TPR: variants seen among roughly 807,000 people sequenced by gnomAD.
The protein encoded by TPR is translocated promoter region, nuclear basket protein.
In TPR, 51 loss-of-function variants were observed where a neutral mutation model predicts 316.1. That is an observed-to-expected ratio of 0.16 (90% CI 0.13 to 0.20). The LOEUF is 0.20. Among genes scored for constraint, TPR ranks in the 10% least tolerant of loss-of-function variants. The pLI is 1.00. For missense variants in TPR, 2,272 were observed against 2,754.8 expected, an observed-to-expected ratio of 0.82 and a Z score of 3.92; for synonymous variants, 981 against 914.7, an observed-to-expected ratio of 1.07 and a Z score of -1.31.
At position 186,362,360 on chromosome 1, in the gene TPR, T is replaced by C. The variant is rs759229553; in HGVS notation, c.717A>G (p.Gln239=). The C allele has an allele frequency of 1.2e-6, 2 of 1,612,104 alleles. No individual in the cohort carries two copies. Among genetic ancestry groups the C allele is most frequent in the East Asian group, 4.5e-5 (2 of 44,750 alleles). ...CATTTGATGTTTTTAAGCCATTCAT[T>C]TGTTCTTCCAGTCTAGAAACCTAAA... is the stretch of plus-strand genomic sequence containing the variant. The part of the protein sequence containing the change: ...KKEEVSRLEE[Q]MNGLKTSNEH... Residue 239 remains glutamine (Q), a synonymous_variant, in exon 7 of 51, where the codon CAA becomes CAG. Transcript: ENST00000367478.
chr1:186,352,189 TTCA>T (rs1426416699), intron 18 of TPR, 79 bp from the exon 19 acceptor site: 3 of 1,349,086 alleles, frequency 2.2e-6, no homozygotes, highest in Non-Finnish European at 2.9e-6. Flanking sequence ...ATTAAAATGA[TTCA>T]TACATCACTA....
chr1:186,357,681 T>TG, intron 13 of TPR, 58 bp from the exon 14 acceptor site: 1 of 1,464,970 alleles, frequency 6.8e-7, no homozygotes, highest in Non-Finnish European at 9.2e-7. Context: ...CTGGACAAGT[T>TG]TAGAATGAAA....
intron 9 of TPR, 46 bp from the exon 10 acceptor site, chr1:186,360,951 AT>A: frequency 6.3e-7 from 1 of 1,579,784 alleles, no homozygotes; most frequent in South Asian, 1.1e-5. Context: ...TACAGTTAAA[AT>A]TTTAGTTTAC....
Position 186,371,029 on chromosome 1 carries a change from C to T in TPR, c.271G>A (p.Ala91Thr), listed in dbSNP as rs756856205. The T allele has an allele frequency of 3.1e-6, 5 of 1,612,760 alleles. No individual in the cohort carries two copies. In the South Asian group the frequency reaches 4.4e-5, roughly 14 times the overall value. Reference protein sequence around the residue: ...ELEKLNNQLKALTEKNKELEI... With the variant: ...ELEKLNNQLKTLTEKNKELEI... ...AGTTCTTTGTTTTTCTCAGTTAGTG[C>T]CTTCAGTTGATTGTCTGGATAAAAG... The change falls in exon 3 of 51, where the codon GCA (alanine) becomes ACA (threonine). Residue 91 changes from alanine to threonine, a missense_variant. By Grantham distance (58) the Ala-to-Thr change is moderately conservative (BLOSUM62 0). Around this residue, in one of 10 missense-constraint regions of TPR, gnomAD observed 549 missense variants for 598.6 expected, o/e 0.92. Transcript: ENST00000367478.
Position 186,353,674 on chromosome 1 carries a change from G to C in TPR, c.2334+14C>G. 1 of 1,609,080 alleles carries C rather than the reference G, an allele frequency of 6.2e-7. No homozygotes were observed. Among genetic ancestry groups the C allele is most frequent in the Non-Finnish European group, 8.5e-7 (1 of 1,178,332 alleles). On this transcript the variant is annotated intron_variant, in intron 18 of 50. Coordinates refer to ENST00000367478, the MANE Select transcript of TPR (RefSeq NM_003292.3). ...AACTTATAATGCAAGTTGGACAAGG[G>C]ATATTGGACTCACTTCTGCGACAGC... is the stretch of plus-strand genomic sequence containing the variant.
At chr1:186,339,148 G>A (rs866108852) in intron 30 of TPR, among the ~76,000 whole-genome samples, 128 of 152,118 alleles carry the variant, frequency 8.4e-4, no homozygotes, top group African/African-American at 3.0e-3. Flanking sequence ...AGCTTCCCTT[G>A]GCCAGGCATG....
At chr1:186,331,705 TAAA>T in intron 38 of TPR, 124 bp from the exon 39 acceptor site, 1 of 502,936 alleles carries the variant, frequency 2.0e-6, no homozygotes, top group South Asian at 6.4e-5. Flanking sequence ...TATAGAAAAA[TAAA>T]AAAATTTTAT....
In TPR at chr1:186,312,202, A is replaced by C; in HGVS notation, c.*1769T>G. On this transcript the variant is annotated 3_prime_UTR_variant, in exon 51 of 51. Coordinates refer to ENST00000367478, the MANE Select transcript of TPR (RefSeq NM_003292.3). ...GGCAGCATTCAGCAGTATATTTATAAACAGGAACCTGTACAGAAGTGCCCT... is the reference window on the plus strand; with the variant it reads ...GGCAGCATTCAGCAGTATATTTATACACAGGAACCTGTACAGAAGTGCCCT... 6.2e-7 allele frequency: 1 copy of C among 1,613,994 alleles called. No individual in the cohort carries two copies. The highest frequency in any genetic ancestry group is 8.5e-7 in the Non-Finnish European group (1 of 1,179,916).
intron 21 of TPR, among the ~76,000 whole-genome samples, chr1:186,349,182 C>T (rs750209814): frequency 6.6e-6 from 1 of 152,206 alleles, no homozygotes; most frequent in Non-Finnish European, 1.5e-5. Flanking sequence ...TGGGAAAAAT[C>T]ATCTAACACA....
intron 15 of TPR, 143 bp downstream of exon 15, chr1:186,356,143 G>A (rs1258638213): frequency 1.4e-6 from 1 of 697,174 alleles, no homozygotes. Flanking sequence ...ATGTTTTACA[G>A]TTGATGGGAT....
intron 39 of TPR, 95 bp downstream of exon 39, chr1:186,331,403 T>TAA (rs879058159): frequency 8.7e-5 from 58 of 670,336 alleles, no homozygotes; most frequent in South Asian, 1.6e-4. Context: ...AAGAACAAGC[T>TAA]AAAAAAAAAA....
chr1:186,342,466 T>C (rs142921790), intron 27 of TPR: 1 of 152,324 alleles, frequency 6.6e-6, no homozygotes, highest in Non-Finnish European at 1.5e-5. Context: ...TCTGATTCTG[T>C]CCCTTTTCCT....
chr1:186,323,967 C>G (rs1657843039), intron 42 of TPR, 97 bp from the exon 43 acceptor site: 1 of 1,254,324 alleles, frequency 8.0e-7, no homozygotes, highest in Non-Finnish European at 1.1e-6. Flanking sequence ...CAGGAATGTT[C>G]ACCGTACGAA....
intron 26 of TPR, 136 bp from the exon 27 acceptor site, chr1:186,343,609 T>C: frequency 1.2e-6 from 1 of 826,170 alleles, no homozygotes; most frequent in South Asian, 2.0e-5. Context: ...TAAATAATAA[T>C]GGGAGATGTA....
At chr1:186,365,215 C>T (rs1470627867) in intron 4 of TPR, among the ~76,000 whole-genome samples, 1 of 150,984 alleles carries the variant, frequency 6.6e-6, no homozygotes, top group Non-Finnish European at 1.5e-5. Context: ...CATGACTCAG[C>T]CTCCTGAGTA....
chr1:186,320,582 A>C (rs1286808381), intron 45 of TPR, among the ~76,000 whole-genome samples, 164 bp from the exon 46 acceptor site: 1 of 152,198 alleles, frequency 6.6e-6, no homozygotes, highest in Non-Finnish European at 1.5e-5. Context: ...TACTTATAAA[A>C]ATCCTTTTAT....
At position 186,318,494 on chromosome 1, in the gene TPR, T is replaced by C. The variant is rs1657676816; in HGVS notation, c.6774A>G (p.Ala2258=). The C allele has an allele frequency of 6.2e-7, 1 of 1,613,884 alleles. No homozygotes were observed. The highest frequency in any genetic ancestry group is 8.5e-7 in the Non-Finnish European group (1 of 1,179,954). The change falls in exon 48 of 51, where the codon GCA becomes GCG. Residue 2258 remains alanine, a synonymous_variant. Coordinates refer to ENST00000367478, the MANE Select transcript of TPR (RefSeq NM_003292.3). Reference sequence around the variant, plus strand: ...ATACTTCATCTCCATCATCACCTGTTGCTGTTTCATTTGTTGTAGATAAAG... The same window carrying C: ...ATACTTCATCTCCATCATCACCTGTCGCTGTTTCATTTGTTGTAGATAAAG... ...TGTLSTTNET[A]TGDDGDEVFV...
chr1:186,313,828 T>G lies in TPR; in HGVS notation c.*143A>C. 6.6e-7 allele frequency: 1 copy of G among 1,509,168 alleles called. No homozygotes were observed. Among genetic ancestry groups the G allele is most frequent in the South Asian group, 1.1e-5 (1 of 88,896 alleles). 93.5% of individuals were successfully genotyped at this position (1,509,168 alleles called of 1,614,324 possible). A position where few individuals can be genotyped will look rare whatever the true frequency, so the allele number is the denominator to read the frequency against. On this transcript the variant is annotated 3_prime_UTR_variant, in exon 51 of 51. Coordinates refer to ENST00000367478, the MANE Select transcript of TPR (RefSeq NM_003292.3). The stretch of plus-strand genomic sequence containing the variant: ...CTAATGAAGAAATGAATAATAAATT[T>G]TGACACTGAAAAACATTTTATTAAT...
At chr1:186,316,258 A>C in intron 49 of TPR, among the ~76,000 whole-genome samples, 1 of 152,118 alleles carries the variant, frequency 6.6e-6, no homozygotes, top group East Asian at 1.9e-4. Context: ...ATGGTTCTGT[A>C]ATTTACATAC....
Sources: allele counts gnomAD v4.1 joint callset (sites outside exome capture counted in the v4.1 genomes callset), GRCh38; gene constraint gnomAD v4.1.1; regional missense constraint gnomAD v4.1.1; transcripts MANE v1.5; gene names NCBI Gene and HGNC (gene_info 2026-07-23, HGNC 2026-07-21).